Variants in DNAH11 observed in about 807,000 individuals in gnomAD.
The protein encoded by DNAH11 is dynein axonemal heavy chain 11.
DNAH11 carries 442 observed loss-of-function variants against 526.0 expected under a neutral mutation model. The observed-to-expected ratio is 0.84, with a 90% CI of 0.78 to 0.91. The LOEUF is 0.91. DNAH11 is among the 40% of genes least tolerant of loss of function. The pLI, the probability that DNAH11 is intolerant of heterozygous loss-of-function variation, is 0.00. For missense variants in DNAH11, 6,989 were observed against 5,448.7 expected (o/e 1.28, Z -8.90); for synonymous variants, 2,461 against 1,935.9 (o/e 1.27, Z -7.12).
chr7:21,867,562 G>C (rs1484092276), intron 71 of DNAH11, among the ~76,000 whole-genome samples: 2 of 152,158 alleles, frequency 1.3e-5, no homozygotes, highest in Non-Finnish European at 2.9e-5. Flanking sequence ...ATCTGGCAGG[G>C]GATTTGGGGG....
intron 8 of DNAH11, among the ~76,000 whole-genome samples, chr7:21,577,506 T>G (rs1258176716): frequency 6.6e-6 from 1 of 152,170 alleles, no homozygotes; most frequent in African/African-American, 2.4e-5. Context: ...AGCCTGATGT[T>G]GGAGCAAACC....
At chr7:21,730,324 C>T (rs1785324041) in intron 45 of DNAH11, among the ~76,000 whole-genome samples, 1 of 152,106 alleles carries the variant, frequency 6.6e-6, no homozygotes, top group Non-Finnish European at 1.5e-5. Context: ...TAAAATTCTC[C>T]AAAATTAAAA....
intron 65 of DNAH11, among the ~76,000 whole-genome samples, chr7:21,830,895 C>T (rs966137154): frequency 6.6e-6 from 1 of 152,148 alleles, no homozygotes; most frequent in African/African-American, 2.4e-5. Flanking sequence ...AATTTTATTT[C>T]TGTTCTGAGA....
chr7:21,789,966 T>C, intron 61 of DNAH11, among the ~76,000 whole-genome samples: 1 of 148,958 alleles, frequency 6.7e-6, no homozygotes, highest in Non-Finnish European at 1.5e-5. Context: ...GCAGGCTTGT[T>C]ACACAGGTAA....
In DNAH11 at chr7:21,744,874, T is replaced by C. The variant is rs1200493450; in HGVS notation, c.8321T>C (p.Ile2774Thr). Reference protein sequence around the residue: ...LETAYKYFEGIDSHMLLQQPL... With the variant: ...LETAYKYFEGTDSHMLLQQPL... Reference sequence around the variant, plus strand: ...TTTCTCTTTCTCATCCTGCAGGGTATAGATAGTCACATGCTGCTTCAACAG... The same window carrying C: ...TTTCTCTTTCTCATCCTGCAGGGTACAGATAGTCACATGCTGCTTCAACAG... Residue 2774 changes from isoleucine (I) to threonine (T), a missense_variant, in exon 51 of 82, where the codon ATA (isoleucine) becomes ACA (threonine). Coordinates refer to ENST00000409508, the MANE Select transcript of DNAH11 (RefSeq NM_001277115.2). 3 of 1,608,262 alleles carry C rather than the reference T, an allele frequency of 1.9e-6. No individual in the cohort carries two copies. Among genetic ancestry groups the C allele is most frequent in the East Asian group, 4.5e-5 (2 of 44,738 alleles).
At chr7:21,608,040 CTT>C (rs772313627) in intron 20 of DNAH11, among the ~76,000 whole-genome samples, 2 of 129,638 alleles carry the variant, frequency 1.5e-5, no homozygotes, top group Non-Finnish European at 1.7e-5. Context: ...GCTATCTAAA[CTT>C]TTTTTTTTTT....
At chr7:21,832,363 G>A (rs139223320) in intron 65 of DNAH11, among the ~76,000 whole-genome samples, 3 of 152,258 alleles carry the variant, frequency 2.0e-5, no homozygotes, top group Admixed American at 1.3e-4. Context: ...AAGGCCTGGT[G>A]GTGACAAAAT....
At chr7:21,649,576 C>G (rs1416257588) in intron 28 of DNAH11, among the ~76,000 whole-genome samples, 1 of 151,676 alleles carries the variant, frequency 6.6e-6, no homozygotes, top group Non-Finnish European at 1.5e-5. Context: ...GAATTCACTT[C>G]TATAAAGATA....
chr7:21,874,034 A>C (rs981286040), intron 74 of DNAH11, among the ~76,000 whole-genome samples: 3 of 151,484 alleles, frequency 2.0e-5, no homozygotes, highest in African/African-American at 7.3e-5. Flanking sequence ...CAGGTGATCC[A>C]CCTGCCTCGG....
Position 21,901,536 on chromosome 7 carries a change from T to C in DNAH11, c.*282T>C. ...GTGAGCCGAGGTTGCACCACTGCACTCCCTCCTGGGCAACAGAACAAGACT... is the reference window on the plus strand; with the variant it reads ...GTGAGCCGAGGTTGCACCACTGCACCCCCTCCTGGGCAACAGAACAAGACT... On this transcript the variant is annotated 3_prime_UTR_variant, in exon 82 of 82. Transcript: ENST00000409508. 1 of 252,736 alleles carries C rather than the reference T, an allele frequency of 4.0e-6. No homozygotes were observed. Among genetic ancestry groups the C allele is most frequent in the Non-Finnish European group, 7.4e-6 (1 of 135,680 alleles). 15.7% of individuals were successfully genotyped at this position (252,736 alleles called of 1,614,324 possible).
chr7:21,607,318 G>T (rs1785332977), intron 20 of DNAH11, among the ~76,000 whole-genome samples: 1 of 152,128 alleles, frequency 6.6e-6, no homozygotes, highest in African/African-American at 2.4e-5. Context: ...GCTGGCAGCT[G>T]ATTAGATGGT....
intron 25 of DNAH11, among the ~76,000 whole-genome samples, chr7:21,628,572 A>T (rs868590114): frequency 2.0e-5 from 3 of 152,090 alleles, no homozygotes; most frequent in East Asian, 3.8e-4. Flanking sequence ...TCTTGGTTCT[A>T]TTGATGTGCT....
At chr7:21,878,532 G>A (rs1359105280) in intron 74 of DNAH11, among the ~76,000 whole-genome samples, 2 of 151,850 alleles carry the variant, frequency 1.3e-5, no homozygotes, top group East Asian at 3.9e-4. Context: ...TCTCTTTTCT[G>A]CCTTCACAAG....
chr7:21,647,742 A>G (rs1038452076), intron 28 of DNAH11, among the ~76,000 whole-genome samples: 2 of 152,152 alleles, frequency 1.3e-5, no homozygotes, highest in African/African-American at 4.8e-5. Flanking sequence ...ACAGTGGAGT[A>G]GCAGTTTCAA....
chr7:21,575,235 T>C (rs1183355677), intron 8 of DNAH11, among the ~76,000 whole-genome samples: 6 of 152,146 alleles, frequency 3.9e-5, no homozygotes, highest in Non-Finnish European at 8.8e-5. Flanking sequence ...TGCATCCTCA[T>C]TGAAATGAAA....
chr7:21,727,552 C>T (rs74679074), intron 45 of DNAH11, among the ~76,000 whole-genome samples: 1,624 of 152,342 alleles, frequency 0.011, 39 homozygotes, highest in African/African-American at 0.037. Context: ...TGCTCTTCTG[C>T]ATTTCCCTTA....
At chr7:21,630,192 A>T (rs990209738) in intron 25 of DNAH11, among the ~76,000 whole-genome samples, 2 of 152,054 alleles carry the variant, frequency 1.3e-5, no homozygotes, top group Non-Finnish European at 2.9e-5. Context: ...AGAAAAAATG[A>T]AGAAGAAACT....
intron 51 of DNAH11, among the ~76,000 whole-genome samples, chr7:21,745,291 T>C (rs1349951336): frequency 6.6e-6 from 1 of 152,234 alleles, no homozygotes; most frequent in Non-Finnish European, 1.5e-5. Flanking sequence ...TTATTTTACT[T>C]GAATATTAAG....
At chr7:21,748,119 A>G (rs762246780) in intron 51 of DNAH11, among the ~76,000 whole-genome samples, 13 of 152,076 alleles carry the variant, frequency 8.5e-5, no homozygotes, top group Non-Finnish European at 1.9e-4. Context: ...AAACAAATGA[A>G]CAAGGACTAG....
Sources: gnomAD v4.1 joint callset for allele counts (sites outside exome capture counted in the v4.1 genomes callset) on GRCh38, gnomAD v4.1.1 for gene constraint, MANE v1.5 for transcripts, NCBI Gene and HGNC (gene_info 2026-07-23, HGNC 2026-07-21) for gene names.